Variants in DOP1A observed in about 807,000 individuals in gnomAD.
The protein encoded by DOP1A is DOP1 leucine zipper like protein A.
In DOP1A, 90 loss-of-function variants were observed where a neutral mutation model predicts 267.6. That is an observed-to-expected ratio of 0.34 (90% CI 0.28 to 0.40). The LOEUF (loss-of-function observed/expected upper bound fraction) is 0.40. Ranked by LOEUF, DOP1A falls within the 10% of genes least tolerant of loss-of-function variation. DOP1A has a pLI of 1.00. For missense variants in DOP1A, 2,437 were observed against 2,900.4 expected, an observed-to-expected ratio of 0.84 and a Z score of 3.67; for synonymous variants, 932 against 999.1, an observed-to-expected ratio of 0.93 and a Z score of 1.27.
At chr6:83,083,755 G>A (rs1768569617) in intron 1 of DOP1A, among the ~76,000 whole-genome samples, 1 of 152,066 alleles carries the variant, frequency 6.6e-6, no homozygotes, top group African/African-American at 2.4e-5. Flanking sequence ...GTAACTCAAG[G>A]GTATGTGCTT....
At chr6:83,124,497 A>T (rs1172414108) in intron 12 of DOP1A, among the ~76,000 whole-genome samples, 3 of 152,166 alleles carry the variant, frequency 2.0e-5, no homozygotes, top group Non-Finnish European at 4.4e-5. Context: ...GATGGGAGTT[A>T]CAGGGAGAGG....
intron 34 of DOP1A, 69 bp downstream of exon 34, chr6:83,156,172 T>TA: frequency 7.7e-7 from 1 of 1,298,260 alleles, no homozygotes; most frequent in Non-Finnish European, 1.1e-6. Flanking sequence ...AATACTTCTC[T>TA]AAATACTAAG....
Position 83,110,369 on chromosome 6 carries a change from C to T in DOP1A, c.681+55C>T, listed in dbSNP as rs558542968. 1.2e-5 allele frequency: 18 copies of T among 1,529,490 alleles called. No homozygotes were observed. In the African/African-American group the frequency reaches 2.2e-4, roughly 19 times the overall value. The allele number at this position is 1,529,490 out of a possible 1,614,324, so 94.7% of individuals were successfully genotyped here. A position where few individuals can be genotyped will look rare whatever the true frequency, so the allele number is the denominator to read the frequency against. ...ACAAATATTTCTTTAGAGTCAGGCACTATTCCAGACATATATTGAGGATTG... is the reference window on the plus strand; with the variant it reads ...ACAAATATTTCTTTAGAGTCAGGCATTATTCCAGACATATATTGAGGATTG... On this transcript the variant is annotated intron_variant, in intron 6 of 38. Transcript: ENST00000349129.
At chr6:83,141,858 C>G in intron 23 of DOP1A, 63 bp from the exon 24 acceptor site, 1 of 1,536,070 alleles carries the variant, frequency 6.5e-7, no homozygotes, top group Non-Finnish European at 8.8e-7. Flanking sequence ...AAAACGCAGT[C>G]TAGTTGTAAA....
intron 24 of DOP1A, among the ~76,000 whole-genome samples, chr6:83,143,199 C>G (rs1779928150): frequency 6.6e-6 from 1 of 152,126 alleles, no homozygotes; most frequent in South Asian, 2.1e-4. Context: ...GGGAGGATTG[C>G]TTGAGGCCAA....
chr6:83,140,238 C>T lies in DOP1A; in HGVS notation c.5250C>T (p.Asp1750=). The T allele has an allele frequency of 6.2e-7, 1 of 1,612,244 alleles. No homozygotes were observed. The highest frequency in any genetic ancestry group is 8.5e-7 in the Non-Finnish European group (1 of 1,179,506). The change falls in exon 23 of 39, where the codon GAC becomes GAT. Residue 1750 remains aspartate (D), a synonymous_variant. Transcript: ENST00000349129. ...TQYHQLLVSV[D]QKHLFEARSG... ...GTTAATAGCTTTTGGTCAGTGTAGA[C>T]CAGAAACACTTGTTTGAAGCACGCA...
chr6:83,127,763 A>C (rs2128232807), intron 15 of DOP1A, among the ~76,000 whole-genome samples: 2 of 152,312 alleles, frequency 1.3e-5, no homozygotes, highest in South Asian at 4.1e-4. Flanking sequence ...TAGATTGATA[A>C]GGGTAATGAT....
chr6:83,154,803 A>G (rs1032505369), intron 33 of DOP1A, among the ~76,000 whole-genome samples: 5 of 152,142 alleles, frequency 3.3e-5, no homozygotes, highest in Non-Finnish European at 5.9e-5. Context: ...CTGAAAAAAA[A>G]GAGTTTTAAA....
downstream of DOP1A, chr6:83,168,646 T>C (rs1164668343): frequency 4.0e-6 from 4 of 996,810 alleles, no homozygotes; most frequent in Non-Finnish European, 4.8e-6. Context: ...AACTGAAGGC[T>C]GGACCATGCA....
chr6:83,160,882 C>G (rs996734282), intron 37 of DOP1A, among the ~76,000 whole-genome samples: 1 of 152,038 alleles, frequency 6.6e-6, no homozygotes, highest in African/African-American at 2.4e-5. Flanking sequence ...TGCTATTTTA[C>G]AAGCTTACTT....
Position 83,138,723 on chromosome 6 carries a change from G to A in DOP1A, c.4681G>A (p.Glu1561Lys). Residue 1561 changes from glutamate (E) to lysine (K), a missense_variant, in exon 21 of 39, where the codon GAG (glutamate) becomes AAG (lysine). Physicochemically the swap from Glu to Lys is moderately conservative, Grantham distance 56 (BLOSUM62 1). Around this residue, in one of 9 missense-constraint regions of DOP1A, gnomAD observed 878 missense variants for 992.9 expected, o/e 0.88. Transcript: ENST00000349129. ...NLVAVEEGFS[E>K]DSLINFSEDE... is the part of the protein sequence containing the mutation. ...GGTTGCTGTGGAAGAAGGTTTCTCA[G>A]AGGACAGCCTTATTAATTTCTCAGA... 1 of 1,614,046 alleles carries A rather than the reference G, an allele frequency of 6.2e-7. No individual in the cohort carries two copies. Among genetic ancestry groups the A allele is most frequent in the Non-Finnish European group, 8.5e-7 (1 of 1,179,946 alleles).
intron 12 of DOP1A, among the ~76,000 whole-genome samples, chr6:83,123,484 CTCTG>C (rs1776665463): frequency 6.6e-6 from 1 of 152,152 alleles, no homozygotes; most frequent in African/African-American, 2.4e-5. Flanking sequence ...TGAGTGGAAT[CTCTG>C]TCTGGCTTCT....
chr6:83,091,757 A>G lies in DOP1A; in HGVS notation c.-146-4974A>G, dbSNP rs545996538. Reference sequence around the variant, plus strand: ...ATGCACTGAATATTATATGTCTTCAAAATGAATGCTATTTTATATCTTATT... The same window carrying G: ...ATGCACTGAATATTATATGTCTTCAGAATGAATGCTATTTTATATCTTATT... On this transcript the variant is annotated intron_variant, in intron 1 of 38. Coordinates refer to ENST00000349129, the MANE Select transcript of DOP1A (RefSeq NM_015018.4). Among the ~76,000 whole-genome samples the G allele has an allele frequency of 7.9e-5, 12 of 152,338 alleles. No homozygotes were observed. In the South Asian group the frequency reaches 2.5e-3, roughly 32 times the overall value.
chr6:83,141,913 T>A lies in DOP1A; in HGVS notation c.5416-8T>A. The A allele has an allele frequency of 6.3e-7, 1 of 1,579,998 alleles. No individual in the cohort carries two copies. Among genetic ancestry groups the A allele is most frequent in the Non-Finnish European group, 8.5e-7 (1 of 1,169,914 alleles). On this transcript the variant is annotated splice_polypyrimidine_tract_variant and splice_region_variant and intron_variant, in intron 23 of 38. Transcript: ENST00000349129. ...AGTTTCACTTTCATTTGCTTCAAAT[T>A]GTTTTAGAACTTGAGACAACAGATT...
At chr6:83,113,974 T>C (rs2128189561) in intron 7 of DOP1A, among the ~76,000 whole-genome samples, 1 of 152,282 alleles carries the variant, frequency 6.6e-6, no homozygotes, top group East Asian at 1.9e-4. Flanking sequence ...TTATAAACCT[T>C]GATGAAGAGT....
At chr6:83,100,363 A>T (rs1772353058) in intron 3 of DOP1A, among the ~76,000 whole-genome samples, 1 of 152,156 alleles carries the variant, frequency 6.6e-6, no homozygotes, top group African/African-American at 2.4e-5. Flanking sequence ...TCCATGTTAC[A>T]TGTTCATGTA....
chr6:83,078,163 G>C (rs1350432359), intron 1 of DOP1A, among the ~76,000 whole-genome samples: 5 of 152,168 alleles, frequency 3.3e-5, no homozygotes, highest in African/African-American at 1.2e-4. Flanking sequence ...AATTGCCTAG[G>C]TTTTGCTTAG....
intron 27 of DOP1A, among the ~76,000 whole-genome samples, chr6:83,149,195 A>T (rs1781124407): frequency 6.6e-6 from 1 of 152,158 alleles, no homozygotes; most frequent in Non-Finnish European, 1.5e-5. Context: ...AACTTCACAG[A>T]GGAGGGACAC....
intron 1 of DOP1A, among the ~76,000 whole-genome samples, chr6:83,077,888 T>C (rs1767398506): frequency 6.6e-6 from 1 of 152,180 alleles, no homozygotes; most frequent in African/African-American, 2.4e-5. Context: ...CATGCATAAA[T>C]CTCTTAATGT....
Sources: gnomAD v4.1 joint callset for allele counts (sites outside exome capture counted in the v4.1 genomes callset) on GRCh38, gnomAD v4.1.1 for gene constraint, gnomAD v4.1.1 regional missense constraint, MANE v1.5 for transcripts, NCBI Gene and HGNC (gene_info 2026-07-23, HGNC 2026-07-21) for gene names.